Variants in TERF2IP observed in about 807,000 individuals in gnomAD.
TERF2IP encodes the protein telomeric repeat-binding factor 2-interacting protein 1.
Under a neutral mutation model 33.3 loss-of-function variants are expected in TERF2IP, and 35 were observed. That is an observed-to-expected ratio of 1.05 (90% CI 0.80 to 1.39). The LOEUF (loss-of-function observed/expected upper bound fraction) is 1.39. TERF2IP is among the 40% of genes most tolerant of loss of function. TERF2IP has a pLI of 0.00. For missense variants in TERF2IP, 583 were observed against 524.8 expected (o/e 1.11, Z -1.08); for synonymous variants, 253 against 223.2 (o/e 1.13, Z -1.19).
At chr16:75,653,560 A>G (rs1009090520) in intron 1 of TERF2IP, among the ~76,000 whole-genome samples, 4 of 152,212 alleles carry the variant, frequency 2.6e-5, no homozygotes, top group Admixed American at 2.0e-4. Context: ...TGTAAAGGAA[A>G]GGAACAGGAT....
Position 75,656,226 on chromosome 16 carries a change from A to C in TERF2IP, c.815A>C (p.Asp272Ala), listed in dbSNP as rs570196281. ...EEVVVDESPP[D>A]FEIHITMCDD... ...GTCTAGGTGGATGAGAGCCCTCCTG[A>C]TTTTGAAATACATATAACTATGTGT... The change falls in exon 3 of 3, where the codon GAT (aspartate) becomes GCT (alanine). Residue 272 changes from aspartate (D) to alanine (A), a missense_variant. Asp to Ala is a moderately radical substitution (Grantham distance 126). Coordinates refer to ENST00000300086, the MANE Select transcript of TERF2IP (RefSeq NM_018975.4). 6.2e-7 allele frequency: 1 copy of C among 1,608,800 alleles called. No individual in the cohort carries two copies. Among genetic ancestry groups the C allele is most frequent in the South Asian group, 1.1e-5 (1 of 90,560 alleles).
At chr16:75,651,587 G>C (rs759532246) in intron 1 of TERF2IP, among the ~76,000 whole-genome samples, 26 of 152,186 alleles carry the variant, frequency 1.7e-4, no homozygotes, top group Non-Finnish European at 3.2e-4. Flanking sequence ...TACTCAGGCA[G>C]CTGAGGCATG....
chr16:75,649,018 C>G (rs185869235), intron 1 of TERF2IP, among the ~76,000 whole-genome samples: 1 of 151,824 alleles, frequency 6.6e-6, no homozygotes, highest in Non-Finnish European at 1.5e-5. Flanking sequence ...CGCGCCACCA[C>G]GTCCCGCTAA....
At chr16:75,653,639 T>G (rs1338315651) in intron 1 of TERF2IP, among the ~76,000 whole-genome samples, 1 of 152,220 alleles carries the variant, frequency 6.6e-6, no homozygotes, top group African/African-American at 2.4e-5. Flanking sequence ...GGCCCAGATC[T>G]GCCTTTGGCT....
At chr16:75,651,399 G>C (rs1217583360) in intron 1 of TERF2IP, among the ~76,000 whole-genome samples, 1 of 152,114 alleles carries the variant, frequency 6.6e-6, no homozygotes, top group East Asian at 1.9e-4. Flanking sequence ...TTAAATGAAA[G>C]TAAATCAGAC....
At position 75,648,759 on chromosome 16, in the gene TERF2IP, T is replaced by G. The variant is rs1055952600; in HGVS notation, c.670+207T>G. 1.0e-5 allele frequency: 14 copies of G among 1,380,724 alleles called. No individual in the cohort carries two copies. The Middle Eastern group carries it at 9.4e-4, about 92-fold the overall frequency. The allele number at this position is 1,380,724 out of a possible 1,614,324, so 85.5% of individuals were successfully genotyped here. On this transcript the variant is annotated intron_variant, in intron 1 of 2. Coordinates refer to ENST00000300086, the MANE Select transcript of TERF2IP (RefSeq NM_018975.4). ...TTCTTTTTTTGCGATGGGTCTCTGT[T>G]ACCTAAGCTGGTCTGAACTCCTGAG...
chr16:75,655,552 T>G (rs1195289883), intron 2 of TERF2IP, among the ~76,000 whole-genome samples: 1 of 152,244 alleles, frequency 6.6e-6, no homozygotes, highest in Non-Finnish European at 1.5e-5. Context: ...TAGGGATTGT[T>G]GCCTTTTGTA....
intron 2 of TERF2IP, among the ~76,000 whole-genome samples, chr16:75,655,115 C>T (rs1460626886): frequency 6.6e-6 from 1 of 152,228 alleles, no homozygotes; most frequent in Non-Finnish European, 1.5e-5. Context: ...CTCCCAGGTT[C>T]CAGCAATTCT....
At chr16:75,653,882 C>A (rs2082365021) in intron 1 of TERF2IP, among the ~76,000 whole-genome samples, 1 of 152,164 alleles carries the variant, frequency 6.6e-6, no homozygotes, top group Non-Finnish European at 1.5e-5. Context: ...TTCCCAAAAT[C>A]ACTTCCCAAT....
In TERF2IP at chr16:75,648,166, A is replaced by G; in HGVS notation, c.284A>G (p.Glu95Gly). The G allele has an allele frequency of 6.4e-7, 1 of 1,565,600 alleles. No homozygotes were observed. The change falls in exon 1 of 3, where the codon GAG (glutamate) becomes GGG (glycine). Residue 95 changes from glutamate (E) to glycine (G), a missense_variant. Glu to Gly is a moderately conservative substitution (Grantham distance 98). Coordinates refer to ENST00000300086, the MANE Select transcript of TERF2IP (RefSeq NM_018975.4). Reference protein sequence around the residue: ...LDCVERNERLELEAYRLGPAS... With the variant: ...LDCVERNERLGLEAYRLGPAS... ...TGCGTGGAGCGCAACGAGAGGCTGG[A>G]GCTGGAGGCCTATCGGCTGGGCCCC...
In TERF2IP at chr16:75,648,140, C is replaced by G. The variant is rs752446617; in HGVS notation, c.258C>G (p.Asp86Glu). The G allele has an allele frequency of 8.3e-6, 13 of 1,563,568 alleles. No individual in the cohort carries two copies. The highest frequency in any genetic ancestry group is 1.1e-5 in the Non-Finnish European group (13 of 1,156,560). The change falls in exon 1 of 3, where the codon GAC (aspartate) becomes GAG (glutamate). Residue 86 changes from aspartate to glutamate, a missense_variant. Transcript: ENST00000300086. ...TCATCTCCACGCAGTACATCCTGGACTGCGTGGAGCGCAACGAGAGGCTGG... is the reference window on the plus strand; with the variant it reads ...TCATCTCCACGCAGTACATCCTGGAGTGCGTGGAGCGCAACGAGAGGCTGG... ...GDFISTQYIL[D>E]CVERNERLEL...
At chr16:75,648,974 G>A (rs1290124083) in intron 1 of TERF2IP, among the ~76,000 whole-genome samples, 3 of 151,994 alleles carry the variant, frequency 2.0e-5, no homozygotes, top group African/African-American at 7.2e-5. Flanking sequence ...CGAATCTCCG[G>A]CTTCAGCCTC....
chr16:75,648,706 C>T (rs2082323361), intron 1 of TERF2IP, 154 bp downstream of exon 1: 14 of 1,431,962 alleles, frequency 9.8e-6, no homozygotes, highest in South Asian at 4.5e-5. Context: ...ATTTTCTTGC[C>T]TTCTCGCTCC....
In TERF2IP at chr16:75,649,822, G is replaced by C. The variant is rs368886652; in HGVS notation, c.670+1270G>C. On this transcript the variant is annotated intron_variant, in intron 1 of 2. Transcript: ENST00000300086. ...TTAATGCAGTTGAATTGAAAATTGGGGTTCAGTATGTCTAGGATACAGAAC... is the reference window on the plus strand; with the variant it reads ...TTAATGCAGTTGAATTGAAAATTGGCGTTCAGTATGTCTAGGATACAGAAC... Among the ~76,000 whole-genome samples, 63 of 152,114 alleles carry C rather than the reference G, an allele frequency of 4.1e-4. 1 individual carries two copies. In the South Asian group the frequency reaches 0.012, roughly 30 times the overall value.
chr16:75,648,156 G>C lies in TERF2IP; in HGVS notation c.274G>C (p.Glu92Gln). Residue 92 changes from glutamate to glutamine, a missense_variant, in exon 1 of 3, where the codon GAG (glutamate) becomes CAG (glutamine). Coordinates refer to ENST00000300086, the MANE Select transcript of TERF2IP (RefSeq NM_018975.4). ...CATCCTGGACTGCGTGGAGCGCAAC[G>C]AGAGGCTGGAGCTGGAGGCCTATCG... ...QYILDCVERN[E>Q]RLELEAYRLG... 1.9e-6 allele frequency: 3 copies of C among 1,565,184 alleles called. No individual in the cohort carries two copies. In the South Asian group the frequency reaches 3.5e-5, roughly 18 times the overall value.
At chr16:75,650,029 C>G (rs920186995) in intron 1 of TERF2IP, among the ~76,000 whole-genome samples, 2 of 152,098 alleles carry the variant, frequency 1.3e-5, no homozygotes, top group African/African-American at 4.8e-5. Context: ...TTCTCCTGTT[C>G]AGTATGCTTA....
chr16:75,650,413 G>C (rs925969052), intron 1 of TERF2IP, among the ~76,000 whole-genome samples: 1 of 152,228 alleles, frequency 6.6e-6, no homozygotes, highest in African/African-American at 2.4e-5. Context: ...GAGCCACAAA[G>C]AGAACAGAGT....
chr16:75,648,559 AG>A lies in TERF2IP; in HGVS notation c.670+9del, dbSNP rs1482040491. 6.5e-7 allele frequency: 1 copy of A among 1,537,880 alleles called. No individual in the cohort carries two copies. Among genetic ancestry groups the A allele is most frequent in the Admixed American group, 2.0e-5 (1 of 49,972 alleles). ...GAGGCCGCGGATAGCGGGGGTGAGG[AG>A]GCTGAGCGCGGGGCCTCGCGGATAT... On this transcript the variant is annotated splice_region_variant and intron_variant, in intron 1 of 2. Transcript: ENST00000300086.
chr16:75,655,996 C>T (rs923678214), intron 2 of TERF2IP, among the ~76,000 whole-genome samples: 2 of 152,038 alleles, frequency 1.3e-5, no homozygotes, highest in Non-Finnish European at 2.9e-5. Flanking sequence ...CACGTGCACA[C>T]ACACACGCGC....
Sources: allele counts gnomAD v4.1 joint callset (sites outside exome capture counted in the v4.1 genomes callset), GRCh38; gene constraint gnomAD v4.1.1; transcripts MANE v1.5; gene names NCBI Gene and HGNC (gene_info 2026-07-23, HGNC 2026-07-21).